Variants in SGCD observed in about 807,000 individuals in gnomAD.
SGCD encodes delta-sarcoglycan.
A neutral mutation model predicts 36.6 loss-of-function variants in SGCD; 18 were observed. That is an observed-to-expected ratio of 0.49 (90% CI 0.34 to 0.73). SGCD has a LOEUF of 0.73. Among genes scored for constraint, SGCD ranks in the 30% least tolerant of loss-of-function variants. SGCD has a pLI of 0.01. For synonymous variants in SGCD, 133 were observed against 130.6 expected (o/e 1.02, Z -0.12); for missense variants, 387 against 346.7 (o/e 1.12, Z -0.92).
At chr5:156,133,914 A>AACACACACACACACACACACAC (rs70981997) in intron 3 of SGCD, among the ~76,000 whole-genome samples, 8 of 140,328 alleles carry the variant, frequency 5.7e-5, no homozygotes, top group Non-Finnish European at 1.1e-4. Context: ...GCCGGGTTAA[A>AACACACACACACACACACACAC]ACACACACAC....
At chr5:155,860,216 A>G in the SGCD span, among the ~76,000 whole-genome samples, 2 of 152,276 alleles carry the variant, frequency 1.3e-5, no homozygotes, top group Non-Finnish European at 2.9e-5. Context: ...CCAATGACTC[A>G]GAACATCACA....
chr5:155,845,145 T>A, the SGCD span, among the ~76,000 whole-genome samples: 1 of 152,242 alleles, frequency 6.6e-6, no homozygotes, highest in Non-Finnish European at 1.5e-5. Flanking sequence ...TCTGTTCTTA[T>A]GTTAGTTTGC....
chr5:156,709,033 A>G (rs957284230), intron 7 of SGCD, among the ~76,000 whole-genome samples: 1 of 152,142 alleles, frequency 6.6e-6, no homozygotes, highest in Non-Finnish European at 1.5e-5. Flanking sequence ...TCTTGCTGAG[A>G]GCAGGTAGGG....
chr5:156,516,063 AGGCTCAGTAGTT>A (rs1292429495), intron 4 of SGCD, among the ~76,000 whole-genome samples: 4 of 152,344 alleles, frequency 2.6e-5, no homozygotes, highest in African/African-American at 7.2e-5. Context: ...TATGGTCTCC[AGGCTCAGTAGTT>A]AGTCTTTCCT....
chr5:155,911,319 G>GTGTGTGTATA (rs145927722), intron 1 of SGCD, among the ~76,000 whole-genome samples: 29 of 141,444 alleles, frequency 2.1e-4, no homozygotes, highest in East Asian at 8.5e-4. Context: ...GTGTGTGTGT[G>GTGTGTGTATA]TATATATATA....
intron 7 of SGCD, among the ~76,000 whole-genome samples, chr5:156,654,210 G>T (rs542140600): frequency 2.0e-5 from 3 of 152,266 alleles, no homozygotes; most frequent in Non-Finnish European, 4.4e-5. Flanking sequence ...TCTTCACAGG[G>T]GAGGGGAGAT....
At chr5:156,062,153 G>A (rs10064025) in intron 1 of SGCD, among the ~76,000 whole-genome samples, 16,964 of 84,666 alleles carry the variant, frequency 0.2, 3,736 homozygotes, top group African/African-American at 0.62. Context: ...TCATTGTTCA[G>A]TTCCCACCTA....
chr5:156,172,008 C>T (rs1026542365), intron 3 of SGCD, among the ~76,000 whole-genome samples: 1 of 152,112 alleles, frequency 6.6e-6, no homozygotes, highest in Non-Finnish European at 1.5e-5. Context: ...GCAGGCCGGT[C>T]GTGGTGGCTC....
intron 3 of SGCD, among the ~76,000 whole-genome samples, chr5:156,132,617 C>T (rs913739529): frequency 1.3e-5 from 2 of 151,102 alleles, no homozygotes; most frequent in Admixed American, 1.3e-4. Context: ...TACAGGCGCC[C>T]ACCACCACGC....
chr5:155,903,448 CTGT>C (rs1421340032), intron 1 of SGCD, among the ~76,000 whole-genome samples: 1 of 152,144 alleles, frequency 6.6e-6, no homozygotes, highest in Non-Finnish European at 1.5e-5. Flanking sequence ...GCCTACCTGT[CTGT>C]TGTTGATCTT....
intron 1 of SGCD, among the ~76,000 whole-genome samples, chr5:156,019,523 T>C (rs909818349): frequency 2.0e-5 from 3 of 152,214 alleles, no homozygotes; most frequent in Non-Finnish European, 2.9e-5. Context: ...AATTTGATTA[T>C]TGAATAAAGA....
At chr5:156,569,357 C>T (rs996202455) in intron 4 of SGCD, among the ~76,000 whole-genome samples, 10 of 151,738 alleles carry the variant, frequency 6.6e-5, no homozygotes, top group African/African-American at 2.2e-4. Context: ...TTTGGGAGGC[C>T]GAGGCAGGCG....
the SGCD span, among the ~76,000 whole-genome samples, chr5:155,756,771 G>T: frequency 6.6e-6 from 1 of 152,316 alleles, no homozygotes; most frequent in Admixed American, 6.5e-5. Flanking sequence ...TCCCTGAGAA[G>T]CTGTCCAAGG....
At chr5:156,510,462 A>C (rs1488608387) in intron 4 of SGCD, among the ~76,000 whole-genome samples, 1 of 152,162 alleles carries the variant, frequency 6.6e-6, no homozygotes, top group Non-Finnish European at 1.5e-5. Flanking sequence ...TCATTGACCT[A>C]TTTCTAGTTG....
chr5:156,166,199 T>C (rs1172435032), intron 3 of SGCD, among the ~76,000 whole-genome samples: 2 of 148,638 alleles, frequency 1.3e-5, no homozygotes, highest in Admixed American at 1.3e-4. Flanking sequence ...TACATCACTT[T>C]GATATATCTT....
chr5:156,113,013 T>A (rs979412565), intron 1 of SGCD, among the ~76,000 whole-genome samples: 1 of 152,232 alleles, frequency 6.6e-6, no homozygotes, highest in African/African-American at 2.4e-5. Context: ...GAATCTCAGC[T>A]TATGTGCATT....
At chr5:156,472,785 C>T (rs1039414988) in intron 3 of SGCD, among the ~76,000 whole-genome samples, 3 of 152,074 alleles carry the variant, frequency 2.0e-5, no homozygotes, top group Admixed American at 2.0e-4. Context: ...CCAAAGAATA[C>T]ATACTGTGTG....
At chr5:156,309,188 AT>A (rs1767319940) in intron 3 of SGCD, among the ~76,000 whole-genome samples, 1 of 152,084 alleles carries the variant, frequency 6.6e-6, no homozygotes, top group African/African-American at 2.4e-5. Context: ...TTTTCATCAA[AT>A]TTGGGAAGTT....
chr5:156,577,553 G>C (rs1760023003), intron 4 of SGCD, among the ~76,000 whole-genome samples: 1 of 152,194 alleles, frequency 6.6e-6, no homozygotes, highest in Non-Finnish European at 1.5e-5. Context: ...CATGAGCGTG[G>C]AATGTTCTTC....
Sources: gnomAD v4.1 joint callset for allele counts (sites outside exome capture counted in the v4.1 genomes callset) on GRCh38, gnomAD v4.1.1 for gene constraint, MANE v1.5 for transcripts, NCBI Gene and HGNC (gene_info 2026-07-23, HGNC 2026-07-21) for gene names.